Variants in PHEX observed in about 807,000 individuals in gnomAD.
The protein encoded by PHEX is phosphate regulating endopeptidase X-linked.
PHEX carries 16 observed loss-of-function variants against 68.0 expected under a neutral mutation model. The observed-to-expected ratio is 0.24, with a 90% CI of 0.16 to 0.36. The LOEUF is 0.36. Among genes scored for constraint, PHEX ranks in the 10% least tolerant of loss-of-function variants. The pLI is 1.00. For synonymous variants in PHEX, 208 were observed against 205.1 expected, an observed-to-expected ratio of 1.01 and a Z score of -0.12; for missense variants, 480 against 575.5, an observed-to-expected ratio of 0.83 and a Z score of 1.70.
chrX:22,054,270 G>T, intron 3 of PHEX, among the ~76,000 whole-genome samples: 1 of 111,109 alleles, frequency 9.0e-6, no homozygotes, highest in Non-Finnish European at 1.9e-5. Context: ...TAGTAGCTGG[G>T]ATTACAGGCG....
Position 22,055,174 on chromosome X carries a change from C to CAAAAAAAAAAAAAAAA in PHEX, c.349+7989_349+8004dup, listed in dbSNP as rs111628195. ...CGGGCAACAGAGAGAGACTCCAGCTCAAAAAAAAAAAAAAAAAAAAAAAAA... is the reference window on the plus strand; with the variant it reads ...CGGGCAACAGAGAGAGACTCCAGCTCAAAAAAAAAAAAAAAAAAAAAAAAAAAAAAAAAAAAAAAAA... On this transcript the variant is annotated intron_variant, in intron 3 of 21. Coordinates refer to ENST00000379374, the MANE Select transcript of PHEX (RefSeq NM_000444.6). Among the ~76,000 whole-genome samples the CAAAAAAAAAAAAAAAA allele has an allele frequency of 1.9e-3, 126 of 66,054 alleles. 2 individuals carry two copies. The highest frequency in any genetic ancestry group is 2.5e-3 in the Non-Finnish European group (83 of 33,138). The allele number at this position is 66,054 out of a possible 115,157, so 57.4% of individuals were successfully genotyped here.
intron 15 of PHEX, among the ~76,000 whole-genome samples, chrX:22,199,109 G>A (rs769391239): frequency 1.6e-4 from 18 of 111,211 alleles, no homozygotes; most frequent in Non-Finnish European, 2.8e-4. Context: ...GGGAATTATG[G>A]GAGCTACAAT....
At chrX:22,067,808 T>C (rs1488921371) in intron 3 of PHEX, among the ~76,000 whole-genome samples, 1 of 111,229 alleles carries the variant, frequency 9.0e-6, no homozygotes, top group Non-Finnish European at 1.9e-5. Context: ...CAGCCATTTG[T>C]GTTTTAACAA....
intron 16 of PHEX, among the ~76,000 whole-genome samples, chrX:22,218,003 C>T (rs1182314049): frequency 1.8e-5 from 2 of 110,016 alleles, no homozygotes; most frequent in African/African-American, 6.6e-5. Flanking sequence ...TGGCCGGGGT[C>T]GCTCAACTAG....
At chrX:22,191,347 T>A (rs1008746008) in intron 15 of PHEX, among the ~76,000 whole-genome samples, 1 of 112,414 alleles carries the variant, frequency 8.9e-6, no homozygotes, top group African/African-American at 3.2e-5. Flanking sequence ...TATTAAGATC[T>A]GAATGGCACA....
chrX:22,133,700 G>C, intron 12 of PHEX, 76 bp downstream of exon 12: 2 of 799,547 alleles, frequency 2.5e-6, no homozygotes, highest in Non-Finnish European at 3.7e-6. Context: ...TGACTGTGTA[G>C]TTGGTTTTTA....
In PHEX at chrX:22,047,150, A is replaced by G. The variant is rs112836831; in HGVS notation, c.288A>G (p.Glu96=). The G allele has an allele frequency of 1.9e-3, 2,269 of 1,207,453 alleles. 24 individuals carry two copies. The African/African-American group carries it at 0.032, about 17-fold the overall frequency. The part of the protein sequence containing the change: ...DGWISNNPIP[E]DMPSYGVYPW... ...GGATAAGCAATAATCCAATTCCCGA[A>G]GATATGCCAAGCTATGGGGTTTATC... Residue 96 remains glutamate, a synonymous_variant, in exon 3 of 22, where the codon GAA becomes GAG. Transcript: ENST00000379374.
chrX:22,147,806 T>A (rs1404356512), intron 12 of PHEX, among the ~76,000 whole-genome samples: 2 of 111,605 alleles, frequency 1.8e-5, no homozygotes, highest in East Asian at 5.6e-4. Flanking sequence ...TAATTTTGAT[T>A]GTAAATGCCA....
At chrX:22,063,618 A>G (rs16981737) in intron 3 of PHEX, among the ~76,000 whole-genome samples, 5,205 of 112,126 alleles carry the variant, frequency 0.046, 297 homozygotes, top group African/African-American at 0.16. Context: ...AGCTGCCCTC[A>G]CCAGAAGCGT....
chrX:22,237,045 C>T (rs901984218), intron 20 of PHEX, among the ~76,000 whole-genome samples: 2 of 112,046 alleles, frequency 1.8e-5, no homozygotes, highest in African/African-American at 6.5e-5. Context: ...TTCCCACTGA[C>T]AGAATGAAGA....
chrX:22,117,988 A>T (rs760987725), intron 11 of PHEX, among the ~76,000 whole-genome samples: 3 of 111,131 alleles, frequency 2.7e-5, no homozygotes, highest in Non-Finnish European at 3.8e-5. Flanking sequence ...GTCTAAAGAA[A>T]AAGAAAAACA....
rs767503875 is a variant in PHEX, at chrX:22,035,999, T to TACACAC, written c.119-2443_119-2438dup. 5.2e-3 allele frequency among the ~76,000 whole-genome samples: 399 copies of TACACAC among 76,761 alleles called. 6 individuals carry two copies. Among genetic ancestry groups the TACACAC allele is most frequent in the African/African-American group, 0.018 (327 of 18,563 alleles). The allele number at this position is 76,761 out of a possible 115,157, so 66.7% of individuals were successfully genotyped here. Reference sequence around the variant, plus strand: ...TGTCAGTGTCCCAATTAATTAATTATACACACACACACACACACACACACA... The same window carrying TACACAC: ...TGTCAGTGTCCCAATTAATTAATTATACACACACACACACACACACACACACACACA... On this transcript the variant is annotated intron_variant, in intron 1 of 21. Coordinates refer to ENST00000379374, the MANE Select transcript of PHEX (RefSeq NM_000444.6).
chrX:22,238,616 G>A (rs1264521152), intron 20 of PHEX, among the ~76,000 whole-genome samples: 1 of 111,500 alleles, frequency 9.0e-6, no homozygotes, highest in Non-Finnish European at 1.9e-5. Flanking sequence ...GCTTGAGTAG[G>A]CTGTTTTACC....
rs996120964 is a variant in PHEX at position 22,185,212 on chromosome X, G to A, written c.1587-5232G>A. ...CCAAATCCTTTCTCAAACACAGACT[G>A]CAGAAGCACCCTAAAGACATAGTAA... is the stretch of plus-strand genomic sequence containing the variant. On this transcript the variant is annotated intron_variant, in intron 14 of 21. Transcript: ENST00000379374. 3.6e-5 allele frequency among the ~76,000 whole-genome samples: 4 copies of A among 112,012 alleles called. No homozygotes were observed. The East Asian group carries it at 1.1e-3, about 31-fold the overall frequency.
rs147264180 is a variant in PHEX, at chrX:22,232,222, T to C, written c.2070+4611T>C. On this transcript the variant is annotated intron_variant, in intron 20 of 21. Coordinates refer to ENST00000379374, the MANE Select transcript of PHEX (RefSeq NM_000444.6). Reference sequence around the variant, plus strand: ...GTGATCAATTTTACAATAAGAGCGATGAGGTGCTGAGAATATATATTCTAT... The same window carrying C: ...GTGATCAATTTTACAATAAGAGCGACGAGGTGCTGAGAATATATATTCTAT... 2.4e-3 allele frequency among the ~76,000 whole-genome samples: 267 copies of C among 111,677 alleles called. 3 individuals are homozygous for C. Among genetic ancestry groups the C allele is most frequent in the African/African-American group, 8.3e-3 (254 of 30,778 alleles).
chrX:22,069,203 G>C (rs1569377782), intron 3 of PHEX, among the ~76,000 whole-genome samples: 1 of 111,708 alleles, frequency 9.0e-6, no homozygotes, highest in African/African-American at 3.2e-5. Context: ...ACTGAGGATA[G>C]ATTTATTTTA....
rs1933643836 is a variant in PHEX at position 22,174,683 on chromosome X, T to C, written c.1483-3590T>C. Among the ~76,000 whole-genome samples the C allele has an allele frequency of 2.7e-5, 3 of 111,941 alleles. No homozygotes were observed. The South Asian group carries it at 1.1e-3, about 42-fold the overall frequency. On this transcript the variant is annotated intron_variant, in intron 13 of 21. Coordinates refer to ENST00000379374, the MANE Select transcript of PHEX (RefSeq NM_000444.6). ...CATAATATTGCTACATAATATATAC[T>C]TCTGTTACAGTTTATTAATTTGTTT...
Position 22,077,268 on chromosome X carries a change from A to G in PHEX, c.437-208A>G, listed in dbSNP as rs57027136. ...AGCTCTCCTGGCAAGAACACTAGGT[A>G]TAGACAGTCACATTGAAGCGTGGAT... On this transcript the variant is annotated intron_variant, in intron 4 of 21. Transcript: ENST00000379374. Among the ~76,000 whole-genome samples, 7,807 of 111,364 alleles carry G rather than the reference A, an allele frequency of 0.07. 413 individuals are homozygous for G. The highest frequency in any genetic ancestry group is 0.18 in the African/African-American group (5,467 of 30,506).
chrX:22,113,430 C>T (rs762494611), intron 10 of PHEX, among the ~76,000 whole-genome samples: 2 of 111,661 alleles, frequency 1.8e-5, no homozygotes, highest in South Asian at 7.5e-4. Flanking sequence ...CCTGCACCCC[C>T]AGCTTCCAAG....
Sources: allele counts gnomAD v4.1 joint callset (sites outside exome capture counted in the v4.1 genomes callset), GRCh38; gene constraint gnomAD v4.1.1; transcripts MANE v1.5; gene names NCBI Gene and HGNC (gene_info 2026-07-23, HGNC 2026-07-21).